Variants in ZNF618 observed in about 807,000 individuals in gnomAD.
ZNF618 encodes neural precursor cell expressed, developmentally down-regulated 10.
In ZNF618, 34 loss-of-function variants were observed where a neutral mutation model predicts 103.0. The ratio of observed to expected loss-of-function variants is 0.33; its 90% CI spans 0.25 to 0.44. ZNF618 has a LOEUF of 0.44. Ranked by LOEUF, ZNF618 falls within the 20% of genes least tolerant of loss-of-function variation. ZNF618 has a pLI of 1.00. For missense variants in ZNF618, 1,059 were observed against 1,295.4 expected (o/e 0.82, Z 2.80); for synonymous variants, 551 against 542.2 (o/e 1.02, Z -0.23).
chr9:113,895,285 G>A (rs990504990), intron 1 of ZNF618, among the ~76,000 whole-genome samples: 2 of 152,078 alleles, frequency 1.3e-5, no homozygotes, highest in African/African-American at 4.8e-5. Flanking sequence ...AAAGGATGAT[G>A]AATTTTTAAC....
chr9:113,947,564 T>G (rs1290345870), intron 1 of ZNF618, among the ~76,000 whole-genome samples: 2 of 152,164 alleles, frequency 1.3e-5, no homozygotes, highest in Non-Finnish European at 2.9e-5. Context: ...CCTACAGCCA[T>G]GTGCCTCTGA....
Position 113,996,814 on chromosome 9 carries a change from G to T in ZNF618, c.338-1445G>T, listed in dbSNP as rs1243826303. On this transcript the variant is annotated intron_variant, in intron 3 of 14. Coordinates refer to ENST00000374126, the MANE Select transcript of ZNF618 (RefSeq NM_001318042.2). ...TAGTGGGGGGCTCTGCTGCCCTGTAGCATTTAAGGAAAGTGCCATGACTGA... is the reference window on the plus strand; with the variant it reads ...TAGTGGGGGGCTCTGCTGCCCTGTATCATTTAAGGAAAGTGCCATGACTGA... Among the ~76,000 whole-genome samples the T allele has an allele frequency of 4.6e-5, 7 of 152,252 alleles. No homozygotes were observed. In the South Asian group the frequency reaches 8.3e-4, roughly 18 times the overall value.
intron 1 of ZNF618, among the ~76,000 whole-genome samples, chr9:113,889,045 C>A (rs1273265988): frequency 6.6e-6 from 1 of 152,198 alleles, no homozygotes; most frequent in African/African-American, 2.4e-5. Flanking sequence ...ACTCACCTCA[C>A]TGTCTGTATT....
rs537613997 is a variant in ZNF618, at chr9:113,992,150, A to G, written c.337+3570A>G. Among the ~76,000 whole-genome samples the G allele has an allele frequency of 4.6e-5, 7 of 152,318 alleles. No homozygotes were observed. In the East Asian group the frequency reaches 1.4e-3, roughly 29 times the overall value. On this transcript the variant is annotated intron_variant, in intron 3 of 14. Transcript: ENST00000374126. ...AGTCCAAGCAGTTGCTACTGGCTGTAAGGAGTTCTCTGTTGAGGATTCTAA... is the reference window on the plus strand; with the variant it reads ...AGTCCAAGCAGTTGCTACTGGCTGTGAGGAGTTCTCTGTTGAGGATTCTAA...
At chr9:114,008,960 C>T (rs912166919) in intron 9 of ZNF618, among the ~76,000 whole-genome samples, 4 of 152,142 alleles carry the variant, frequency 2.6e-5, no homozygotes, top group Non-Finnish European at 4.4e-5. Context: ...AGTAGGTGCT[C>T]GGAAAATAAC....
chr9:113,951,311 C>G (rs1835544558), intron 1 of ZNF618, among the ~76,000 whole-genome samples: 2 of 146,722 alleles, frequency 1.4e-5, no homozygotes, highest in Admixed American at 1.4e-4. Context: ...GGTTCTAGTT[C>G]AGTGTTTGAC....
intron 1 of ZNF618, among the ~76,000 whole-genome samples, chr9:113,891,887 A>G (rs941803181): frequency 6.6e-6 from 1 of 152,210 alleles, no homozygotes; most frequent in Non-Finnish European, 1.5e-5. Flanking sequence ...ATGATAGAAT[A>G]TTCAGCCTTA....
chr9:113,928,714 T>C lies in ZNF618; in HGVS notation c.34-40403T>C, dbSNP rs562646763. Among the ~76,000 whole-genome samples, 13 of 152,340 alleles carry C rather than the reference T, an allele frequency of 8.5e-5. No homozygotes were observed. The South Asian group carries it at 2.1e-3, about 24-fold the overall frequency. ...TCCTTCTTAAATAGAATCTGTGTCTTGCAGCTGTCTCATTTGTAATCCACT... is the reference window on the plus strand; with the variant it reads ...TCCTTCTTAAATAGAATCTGTGTCTCGCAGCTGTCTCATTTGTAATCCACT... On this transcript the variant is annotated intron_variant, in intron 1 of 14. Transcript: ENST00000374126.
intron 1 of ZNF618, among the ~76,000 whole-genome samples, chr9:113,883,721 T>A (rs1252785163): frequency 6.6e-6 from 1 of 152,190 alleles, no homozygotes; most frequent in Non-Finnish European, 1.5e-5. Flanking sequence ...CATAGAATCC[T>A]AAGTTAAGGT....
chr9:113,899,959 ACT>A (rs1212596056), intron 1 of ZNF618, among the ~76,000 whole-genome samples: 3 of 151,664 alleles, frequency 2.0e-5, no homozygotes, highest in Non-Finnish European at 2.9e-5. Flanking sequence ...GCTCTTTGAG[ACT>A]CTGCATTCAT....
intron 1 of ZNF618, among the ~76,000 whole-genome samples, chr9:113,967,856 G>T (rs1305893678): frequency 6.6e-6 from 1 of 152,160 alleles, no homozygotes; most frequent in African/African-American, 2.4e-5. Context: ...AGCTCTAGCT[G>T]CCTGTCACCA....
intron 1 of ZNF618, among the ~76,000 whole-genome samples, chr9:113,913,213 A>G (rs537913474): frequency 6.6e-6 from 1 of 152,220 alleles, no homozygotes; most frequent in South Asian, 2.1e-4. Context: ...GCCCACACGC[A>G]GGGAGGTGGT....
intron 1 of ZNF618, among the ~76,000 whole-genome samples, chr9:113,966,906 A>G (rs981696652): frequency 3.3e-5 from 5 of 152,228 alleles, no homozygotes; most frequent in Non-Finnish European, 5.9e-5. Flanking sequence ...AAATGGGTGG[A>G]AAACAGAAAT....
chr9:113,943,221 A>G (rs1210819628), intron 1 of ZNF618, among the ~76,000 whole-genome samples: 1 of 152,208 alleles, frequency 6.6e-6, no homozygotes, highest in Non-Finnish European at 1.5e-5. Flanking sequence ...CAGAGCAGGC[A>G]TGGGAATGGA....
At chr9:113,982,964 G>A (rs1839106792) in intron 2 of ZNF618, among the ~76,000 whole-genome samples, 2 of 152,258 alleles carry the variant, frequency 1.3e-5, no homozygotes, top group Middle Eastern at 3.4e-3. Context: ...TCCTTTTAAT[G>A]TTTGACTTTG....
At chr9:113,912,167 G>A (rs894197358) in intron 1 of ZNF618, among the ~76,000 whole-genome samples, 2 of 152,188 alleles carry the variant, frequency 1.3e-5, no homozygotes, top group African/African-American at 4.8e-5. Context: ...GAGATTGGAG[G>A]AATGGTGAGG....
chr9:113,961,462 A>G (rs1437477662), intron 1 of ZNF618, among the ~76,000 whole-genome samples: 3 of 152,234 alleles, frequency 2.0e-5, no homozygotes, highest in Admixed American at 1.3e-4. Context: ...CCCAGAATCA[A>G]ACATCTAATA....
chr9:114,017,449 C>G (rs1195140065), intron 10 of ZNF618, among the ~76,000 whole-genome samples: 9 of 152,166 alleles, frequency 5.9e-5, no homozygotes, highest in African/African-American at 1.9e-4. Context: ...TGCCCGTGAG[C>G]CTACCTTACT....
Position 113,969,018 on chromosome 9 carries a change from G to C in ZNF618, c.34-99G>C, listed in dbSNP as rs950608622. 1.9e-5 allele frequency: 26 copies of C among 1,381,064 alleles called. No homozygotes were observed. The African/African-American group carries it at 2.0e-4, about 11-fold the overall frequency. The allele number at this position is 1,381,064 out of a possible 1,614,324, so 85.6% of individuals were successfully genotyped here. ...GCTTGTGGCCAGCTCACCCCACAGTGTGAAGGCTGGTATTCAGTGGGAGCT... is the reference window on the plus strand; with the variant it reads ...GCTTGTGGCCAGCTCACCCCACAGTCTGAAGGCTGGTATTCAGTGGGAGCT... On this transcript the variant is annotated intron_variant, in intron 1 of 14. Transcript: ENST00000374126.
Sources: allele counts gnomAD v4.1 joint callset (sites outside exome capture counted in the v4.1 genomes callset), GRCh38; gene constraint gnomAD v4.1.1; transcripts MANE v1.5; gene names NCBI Gene and HGNC (gene_info 2026-07-23, HGNC 2026-07-21).